Variants in ANKFY1 observed in about 807,000 individuals in gnomAD.
The protein encoded by ANKFY1 is ankyrin repeat and FYVE domain containing 1.
ANKFY1 carries 47 observed loss-of-function variants against 128.3 expected under a neutral mutation model. That is an observed-to-expected ratio of 0.37 (90% CI 0.29 to 0.47). The LOEUF is 0.47. Ranked by LOEUF, ANKFY1 falls within the 20% of genes least tolerant of loss-of-function variation. The probability of loss-of-function intolerance (pLI) is 1.00; values close to 1 mark genes in which losing one functional copy is unlikely to be tolerated. For missense variants in ANKFY1, 1,222 were observed against 1,510.6 expected (o/e 0.81, Z 3.17); for synonymous variants, 553 against 601.6 (o/e 0.92, Z 1.18).
intron 3 of ANKFY1, among the ~76,000 whole-genome samples, chr17:4,227,678 C>T (rs1031735386): frequency 1.2e-4 from 18 of 152,216 alleles, no homozygotes; most frequent in African/African-American, 4.1e-4. Flanking sequence ...ATACTCAAAA[C>T]TCAATACAAT....
intron 10 of ANKFY1, among the ~76,000 whole-genome samples, chr17:4,192,695 A>G (rs1343608573): frequency 6.6e-6 from 1 of 152,184 alleles, no homozygotes; most frequent in Non-Finnish European, 1.5e-5. Context: ...TAAATTCTAT[A>G]TCTCCCAATA....
chr17:4,261,903 C>T (rs570045894), intron 1 of ANKFY1, among the ~76,000 whole-genome samples: 1 of 152,352 alleles, frequency 6.6e-6, no homozygotes, highest in Admixed American at 6.5e-5. Flanking sequence ...TACAACATTC[C>T]GTGATTTACT....
At chr17:4,207,043 C>A (rs2060038034) in intron 6 of ANKFY1, among the ~76,000 whole-genome samples, 3 of 152,104 alleles carry the variant, frequency 2.0e-5, no homozygotes, top group Admixed American at 6.6e-5. Context: ...GCAAAAGGCA[C>A]TTTGAGGATG....
intron 1 of ANKFY1, among the ~76,000 whole-genome samples, chr17:4,250,203 T>G (rs1337071854): frequency 1.3e-5 from 2 of 152,202 alleles, no homozygotes; most frequent in African/African-American, 4.8e-5. Flanking sequence ...ATACCCATAC[T>G]TTACTGTCAC....
Position 4,166,357 on chromosome 17 carries a change from G to GA in ANKFY1, c.*1421dup. On this transcript the variant is annotated 3_prime_UTR_variant, in exon 25 of 25. Coordinates refer to ENST00000341657, the MANE Select transcript of ANKFY1 (RefSeq NM_001330063.2). ...AAAATGTAGTGGTTATTAAATGTCT[G>GA]AAAGAATCAGTATGTATGATTGAGA... 6.5e-6 allele frequency: 1 copy of GA among 152,716 alleles called. No individual in the cohort carries two copies. Among genetic ancestry groups the GA allele is most frequent in the South Asian group, 2.1e-4 (1 of 4,830 alleles). The allele number at this position is 152,716 out of a possible 1,614,324, so 9.5% of individuals were successfully genotyped here. A position where few individuals can be genotyped will look rare whatever the true frequency, so the allele number is the denominator to read the frequency against.
intron 3 of ANKFY1, chr17:4,222,702 CGT>C (rs1217277264): frequency 2.3e-6 from 2 of 866,352 alleles, no homozygotes; most frequent in African/African-American, 3.3e-5. Context: ...CACTTCTACG[CGT>C]GTTTTATATT....
intron 12 of ANKFY1, 92 bp from the exon 13 acceptor site, chr17:4,184,002 T>G (rs1029244997): frequency 9.5e-7 from 1 of 1,049,504 alleles, no homozygotes; most frequent in African/African-American, 1.6e-5. Flanking sequence ...AACTGCCTGT[T>G]GGGTATAATA....
intron 1 of ANKFY1, among the ~76,000 whole-genome samples, chr17:4,253,342 C>T (rs997804057): frequency 1.3e-5 from 2 of 152,256 alleles, no homozygotes; most frequent in South Asian, 4.1e-4. Context: ...GAACTTTTTA[C>T]GGTGATAGAA....
chr17:4,178,701 A>G lies in ANKFY1; in HGVS notation c.2598+156T>C, dbSNP rs1222780736. The stretch of plus-strand genomic sequence containing the variant: ...AGGAGCCGGATCTCATCCTGCACGG[A>G]TGGGACATCTCAACAGCCACATCTT... On this transcript the variant is annotated intron_variant, in intron 18 of 24. Coordinates refer to ENST00000341657, the MANE Select transcript of ANKFY1 (RefSeq NM_001330063.2). The surrounding 1 kb of genome is among the most constrained non-coding windows in gnomAD (Gnocchi z 4.1). The G allele has an allele frequency of 1.4e-6, 1 of 734,904 alleles. No homozygotes were observed. The highest frequency in any genetic ancestry group is 2.3e-6 in the Non-Finnish European group (1 of 439,002). 45.5% of individuals were successfully genotyped at this position (734,904 alleles called of 1,614,324 possible).
chr17:4,169,065 C>A lies in ANKFY1; in HGVS notation c.3377+133G>T. On this transcript the variant is annotated intron_variant, in intron 24 of 24. Transcript: ENST00000341657. The surrounding 1 kb of genome is among the most constrained non-coding windows in gnomAD (Gnocchi z 5.0). ...GGATCCTTGGGTGTGCTCATCTCAT[C>A]CCTCCATTTGGTCAAGGTTTGCCCA... The A allele has an allele frequency of 1.3e-6, 1 of 756,960 alleles. No individual in the cohort carries two copies. The highest frequency in any genetic ancestry group is 2.2e-6 in the Non-Finnish European group (1 of 449,920). The allele number at this position is 756,960 out of a possible 1,614,324, so 46.9% of individuals were successfully genotyped here.
intron 6 of ANKFY1, among the ~76,000 whole-genome samples, chr17:4,207,415 A>G (rs557271169): frequency 1.3e-5 from 2 of 152,298 alleles, no homozygotes; most frequent in Non-Finnish European, 2.9e-5. Context: ...CCAGCAAGAA[A>G]ATGGGGACCT....
intron 7 of ANKFY1, among the ~76,000 whole-genome samples, chr17:4,205,397 C>T (rs996155256): frequency 6.6e-6 from 1 of 152,046 alleles, no homozygotes; most frequent in African/African-American, 2.4e-5. Context: ...TGGAAAAAAA[C>T]AAACAAAAAC....
chr17:4,196,987 C>T (rs140937697), intron 8 of ANKFY1, among the ~76,000 whole-genome samples: 2,616 of 152,258 alleles, frequency 0.017, 72 homozygotes, highest in African/African-American at 0.06. Flanking sequence ...AGTGGGGTGG[C>T]GTGTGCCTGT....
intron 3 of ANKFY1, among the ~76,000 whole-genome samples, chr17:4,218,242 A>C (rs2060252603): frequency 6.6e-6 from 1 of 152,232 alleles, no homozygotes; most frequent in African/African-American, 2.4e-5. Flanking sequence ...ATAACTGGAC[A>C]GATAAAGAAA....
intron 10 of ANKFY1, among the ~76,000 whole-genome samples, chr17:4,193,792 C>T (rs1009404149): frequency 5.5e-5 from 8 of 146,368 alleles, no homozygotes; most frequent in African/African-American, 2.0e-4. Flanking sequence ...TGGAGTCTTG[C>T]TCTGTTGCCC....
chr17:4,259,921 T>A (rs1430829996), intron 1 of ANKFY1, among the ~76,000 whole-genome samples: 1 of 152,110 alleles, frequency 6.6e-6, no homozygotes, highest in Admixed American at 6.5e-5. Flanking sequence ...ATAAAGTGGG[T>A]CAGTTGTGTG....
chr17:4,256,407 A>G (rs947310449), intron 1 of ANKFY1, among the ~76,000 whole-genome samples: 8 of 152,108 alleles, frequency 5.3e-5, no homozygotes, highest in Admixed American at 2.0e-4. Flanking sequence ...CAGCCTGGGC[A>G]ATAGAGCGAG....
intron 1 of ANKFY1, among the ~76,000 whole-genome samples, chr17:4,247,106 C>A (rs546821655): frequency 6.7e-6 from 1 of 149,762 alleles, no homozygotes; most frequent in Non-Finnish European, 1.5e-5. Flanking sequence ...CAGAGAGAGA[C>A]CCTGTCTTAA....
chr17:4,246,183 G>C (rs1351262178), intron 1 of ANKFY1, among the ~76,000 whole-genome samples: 1 of 152,292 alleles, frequency 6.6e-6, no homozygotes, highest in African/African-American at 2.4e-5. Flanking sequence ...GAGACCTCCT[G>C]GTTTAAGCTA....
Sources: allele counts gnomAD v4.1 joint callset (sites outside exome capture counted in the v4.1 genomes callset), GRCh38; gene constraint gnomAD v4.1.1; non-coding constraint Gnocchi (gnomAD v3.1); transcripts MANE v1.5; gene names NCBI Gene and HGNC (gene_info 2026-07-23, HGNC 2026-07-21).